Variants in FAR2 observed in about 807,000 individuals in gnomAD.
FAR2 encodes fatty acyl-CoA reductase 2, also known as epididymis secretory protein Li 81.
FAR2 carries 19 observed loss-of-function variants against 56.0 expected under a neutral mutation model. The observed-to-expected ratio is 0.34, with a 90% CI of 0.24 to 0.50. The LOEUF is 0.50. FAR2 is among the 20% of genes least tolerant of loss of function. FAR2 has a pLI of 0.98. For missense variants in FAR2, 508 were observed against 642.2 expected, an observed-to-expected ratio of 0.79 and a Z score of 2.26; for synonymous variants, 219 against 218.8, an observed-to-expected ratio of 1.00 and a Z score of -0.01.
At chr12:29,175,305 A>G (rs1280707215) in intron 1 of FAR2, among the ~76,000 whole-genome samples, 1 of 152,122 alleles carries the variant, frequency 6.6e-6, no homozygotes, top group Admixed American at 6.6e-5. Flanking sequence ...TGAGTGTTAC[A>G]GCTCTTAAAG....
chr12:29,218,331 T>C (rs1254479457), intron 1 of FAR2, among the ~76,000 whole-genome samples: 1 of 149,474 alleles, frequency 6.7e-6, no homozygotes, highest in Non-Finnish European at 1.5e-5. Flanking sequence ...TGCACTCCAG[T>C]CTGGGTGACA....
rs766089727 is a variant in FAR2, at chr12:29,316,864, G to GA, written c.985dup (p.Ile329AsnfsTer4). On this transcript the variant is annotated frameshift_variant, in exon 9 of 12. Coordinates refer to ENST00000536681, the MANE Select transcript of FAR2 (RefSeq NM_001271783.2). LOFTEE classifies it high-confidence loss of function. ...AGGAGTCCAAGTCTTGGCAACCTTT[G>GA]AAAAAATCCCATTTGAGAGACCTTT... The GA allele has an allele frequency of 2.5e-6, 4 of 1,613,750 alleles. No individual in the cohort carries two copies. Among genetic ancestry groups the GA allele is most frequent in the Non-Finnish European group, 3.4e-6 (4 of 1,179,892 alleles).
chr12:29,196,703 CA>C (rs1000784024), intron 1 of FAR2, among the ~76,000 whole-genome samples: 24 of 150,916 alleles, frequency 1.6e-4, no homozygotes, highest in African/African-American at 5.8e-4. Flanking sequence ...TTGGCCTAGG[CA>C]AAAAAAATCA....
chr12:29,203,583 C>G (rs980747624), intron 1 of FAR2, among the ~76,000 whole-genome samples: 13 of 152,130 alleles, frequency 8.5e-5, no homozygotes, highest in African/African-American at 3.1e-4. Context: ...CCATTTCATT[C>G]CCCACAATAT....
intron 1 of FAR2, among the ~76,000 whole-genome samples, chr12:29,194,947 A>T (rs1030755626): frequency 1.3e-5 from 2 of 152,050 alleles, no homozygotes; most frequent in African/African-American, 4.8e-5. Flanking sequence ...AAGTATGGTG[A>T]CCCCTCTTGA....
At chr12:29,176,336 C>T (rs1367555189) in intron 1 of FAR2, among the ~76,000 whole-genome samples, 2 of 152,294 alleles carry the variant, frequency 1.3e-5, no homozygotes, top group East Asian at 3.9e-4. Flanking sequence ...GAGCCACTGG[C>T]CTGTCATGAA....
intron 2 of FAR2, among the ~76,000 whole-genome samples, chr12:29,285,507 C>T (rs950607007): frequency 2.6e-5 from 4 of 151,884 alleles, no homozygotes; most frequent in African/African-American, 9.7e-5. Flanking sequence ...TCAACCTCTC[C>T]CCTGCAGGCC....
intron 2 of FAR2, chr12:29,280,966 C>CAT (rs1948775163): frequency 6.6e-6 from 1 of 152,318 alleles, no homozygotes; most frequent in East Asian, 1.9e-4. Flanking sequence ...TCTGCCATGG[C>CAT]CTTCTTTTTA....
At chr12:29,166,885 G>A (rs572904289) in intron 1 of FAR2, among the ~76,000 whole-genome samples, 9 of 152,040 alleles carry the variant, frequency 5.9e-5, no homozygotes, top group Admixed American at 5.2e-4. Flanking sequence ...AACTCCCCAC[G>A]ATCCCTGCCC....
chr12:29,332,583 T>C lies in FAR2; in HGVS notation c.1258-17T>C, dbSNP rs778594825. On this transcript the variant is annotated splice_polypyrimidine_tract_variant and intron_variant, in intron 10 of 11. Transcript: ENST00000536681. ...GCACTGCAATTCTGGCAATCTATAA[T>C]CTCTCTTGCCTCTCAGGTATTCAAC... 1.9e-6 allele frequency: 3 copies of C among 1,613,212 alleles called. No homozygotes were observed. The highest frequency in any genetic ancestry group is 1.7e-6 in the Non-Finnish European group (2 of 1,179,512).
At chr12:29,165,081 A>C (rs574700837) in intron 1 of FAR2, among the ~76,000 whole-genome samples, 2 of 152,268 alleles carry the variant, frequency 1.3e-5, no homozygotes, top group African/African-American at 4.8e-5. Context: ...ATGTAGCTGA[A>C]GTTGCTGAAT....
At chr12:29,153,093 CTG>C (rs762802668) in intron 1 of FAR2, among the ~76,000 whole-genome samples, 1 of 152,258 alleles carries the variant, frequency 6.6e-6, no homozygotes, top group Non-Finnish European at 1.5e-5. Flanking sequence ...TGACCAGACA[CTG>C]TGCCAGCTTT....
intron 1 of FAR2, among the ~76,000 whole-genome samples, chr12:29,231,352 G>C (rs1262558047): frequency 6.6e-6 from 1 of 152,126 alleles, no homozygotes; most frequent in African/African-American, 2.4e-5. Context: ...GGTGTCAAAG[G>C]TGACTCAGCT....
chr12:29,230,768 T>C (rs1309565476), intron 1 of FAR2, among the ~76,000 whole-genome samples: 1 of 152,070 alleles, frequency 6.6e-6, no homozygotes, highest in East Asian at 1.9e-4. Context: ...GGCCTCAACA[T>C]CTTTGGATTA....
At chr12:29,297,804 G>A (rs1261673619) in intron 4 of FAR2, among the ~76,000 whole-genome samples, 3 of 152,188 alleles carry the variant, frequency 2.0e-5, no homozygotes, top group East Asian at 1.9e-4. Flanking sequence ...CCAGCACTTT[G>A]GGAGGCTGAG....
At chr12:29,307,927 C>G in intron 5 of FAR2, 92 bp downstream of exon 5, 1 of 1,337,086 alleles carries the variant, frequency 7.5e-7, no homozygotes, top group South Asian at 1.4e-5. Flanking sequence ...TTCTCCTCCT[C>G]AGGATTTATA....
intron 1 of FAR2, among the ~76,000 whole-genome samples, chr12:29,206,665 A>G (rs1947480333): frequency 6.6e-6 from 1 of 152,216 alleles, no homozygotes; most frequent in African/African-American, 2.4e-5. Context: ...ACATTTAAGG[A>G]AGGGAAAGAA....
At chr12:29,252,362 G>C (rs147002841) in intron 1 of FAR2, among the ~76,000 whole-genome samples, 173 of 152,248 alleles carry the variant, frequency 1.1e-3, no homozygotes, top group Non-Finnish European at 1.1e-3. Context: ...ATGACTACCT[G>C]GAGTGCTTAC....
chr12:29,183,819 A>G (rs981867317), intron 1 of FAR2, among the ~76,000 whole-genome samples: 1 of 152,214 alleles, frequency 6.6e-6, no homozygotes, highest in African/African-American at 2.4e-5. Flanking sequence ...TCATTCATTT[A>G]TCAAGCACAA....
Sources: allele counts gnomAD v4.1 joint callset (sites outside exome capture counted in the v4.1 genomes callset), GRCh38; gene constraint gnomAD v4.1.1; transcripts MANE v1.5; gene names NCBI Gene and HGNC (gene_info 2026-07-23, HGNC 2026-07-21).